XPO5: variants seen among roughly 807,000 people sequenced by gnomAD.
XPO5 encodes the protein exportin-5.
Under a neutral mutation model 160.6 loss-of-function variants are expected in XPO5, and 46 were observed. The ratio of observed to expected loss-of-function variants is 0.29; its 90% confidence interval spans 0.23 to 0.37. The LOEUF (loss-of-function observed/expected upper bound fraction) is 0.37. Among genes scored for constraint, XPO5 ranks in the 10% least tolerant of loss-of-function variants. The pLI, the probability that XPO5 is intolerant of heterozygous loss-of-function variation, is 1.00. For synonymous variants in XPO5, 537 were observed against 519.3 expected (o/e 1.03, Z -0.46); for missense variants, 1,090 against 1,463.9 (o/e 0.74, Z 4.17).
intron 8 of XPO5, among the ~76,000 whole-genome samples, chr6:43,564,575 T>C (rs960765219): frequency 2.6e-5 from 4 of 152,140 alleles, no homozygotes; most frequent in Admixed American, 2.6e-4. Context: ...TAACTTTAGC[T>C]TACTGTAACT....
Position 43,526,067 on chromosome 6 carries a change from A to C in XPO5, c.2984-146T>G, listed in dbSNP as rs560251660. 4.1e-5 allele frequency: 31 copies of C among 747,962 alleles called. No homozygotes were observed. The South Asian group carries it at 5.4e-4, about 13-fold the overall frequency. 46.3% of individuals were successfully genotyped at this position (747,962 alleles called of 1,614,324 possible). ...TAGTACTAGGAGCCCTCCCACCTCC[A>C]CATAATGCCCATGCCCATGGCTGAT... On this transcript the variant is annotated intron_variant, in intron 27 of 31. Transcript: ENST00000265351.
chr6:43,572,856 G>A (rs574321248), intron 2 of XPO5, among the ~76,000 whole-genome samples: 28 of 152,290 alleles, frequency 1.8e-4, no homozygotes, highest in Admixed American at 1.2e-3. Context: ...TGATTTTATT[G>A]ATGGGCCAAA....
chr6:43,548,194 G>A, intron 18 of XPO5, 67 bp downstream of exon 18: 1 of 1,462,730 alleles, frequency 6.8e-7, no homozygotes, highest in South Asian at 1.5e-5. Context: ...CCCCACCCTG[G>A]GCCTAGCTCT....
Position 43,555,887 on chromosome 6 carries a change from C to A in XPO5, c.1390G>T (p.Glu464Ter). 6.2e-7 allele frequency: 1 copy of A among 1,613,968 alleles called. No homozygotes were observed. The highest frequency in any genetic ancestry group is 8.5e-7 in the Non-Finnish European group (1 of 1,179,878). ...GTTGATAGTTGATACTTTAGCCACT[C>A]CCCAGCCATCTGGAAGCTAGTTTTG... ...DPKTSFQMAGEWLKYQLSTFL... is the reference protein window; with the variant it reads ...DPKTSFQMAG The change falls in exon 13 of 32, where the codon GAG becomes TAG. Residue 464 changes from glutamate (E) to a stop codon, truncating the protein, a stop_gained. Transcript: ENST00000265351. LOFTEE classifies it high-confidence loss of function.
chr6:43,560,359 T>G, intron 10 of XPO5, 56 bp from the exon 11 acceptor site: 1 of 1,504,196 alleles, frequency 6.6e-7, no homozygotes, highest in Non-Finnish European at 8.9e-7. Context: ...ATAACCCAGA[T>G]TATTACTTAG....
chr6:43,546,073 A>C (rs1794951216), intron 20 of XPO5, among the ~76,000 whole-genome samples: 1 of 152,190 alleles, frequency 6.6e-6, no homozygotes, highest in African/African-American at 2.4e-5. Flanking sequence ...CCAAGGATCT[A>C]GCAAACTCAG....
In XPO5 at chr6:43,539,155, C is replaced by T. The variant is rs1272406794; in HGVS notation, c.2343-5148G>A. ...GCACAGAGCCACGGCGGCCTGTCAC[C>T]TTGCAGGGGACGGTGTGGGGCTTGC... On this transcript the variant is annotated intron_variant, in intron 20 of 31. Transcript: ENST00000265351. 1.4e-5 allele frequency: 16 copies of T among 1,119,262 alleles called. No homozygotes were observed. The Admixed American group carries it at 2.9e-4, about 20-fold the overall frequency. 69.3% of individuals were successfully genotyped at this position (1,119,262 alleles called of 1,614,324 possible). A position where few individuals can be genotyped will look rare whatever the true frequency, so the allele number is the denominator to read the frequency against.
intron 12 of XPO5, chr6:43,556,200 AAACTT>A (rs1274877410): frequency 6.8e-6 from 3 of 441,876 alleles, no homozygotes; most frequent in Admixed American, 3.8e-5. Context: ...GTGGCAAACT[AAACTT>A]AGTCTCCCAT....
chr6:43,551,735 C>T (rs921041528), intron 14 of XPO5, among the ~76,000 whole-genome samples: 7 of 152,048 alleles, frequency 4.6e-5, no homozygotes, highest in South Asian at 4.1e-4. Context: ...GTTGTTATGT[C>T]GACCAGGCTG....
At chr6:43,565,792 A>C in intron 7 of XPO5, 56 bp from the exon 8 acceptor site, 1 of 1,319,418 alleles carries the variant, frequency 7.6e-7, no homozygotes, top group Non-Finnish European at 1.1e-6. Flanking sequence ...AAGTACCGAC[A>C]TCTTCTGTAA....
At chr6:43,550,542 C>G (rs1288751135) in intron 15 of XPO5, among the ~76,000 whole-genome samples, 2 of 152,202 alleles carry the variant, frequency 1.3e-5, no homozygotes, top group Non-Finnish European at 2.9e-5. Context: ...TCGCTTGACT[C>G]ACATGTCTCC....
Position 43,531,589 on chromosome 6 carries a change from C to A in XPO5, c.2444-14G>T. 1 of 1,604,642 alleles carries A rather than the reference C, an allele frequency of 6.2e-7. No individual in the cohort carries two copies. The highest frequency in any genetic ancestry group is 8.5e-7 in the Non-Finnish European group (1 of 1,171,530). On this transcript the variant is annotated splice_polypyrimidine_tract_variant and intron_variant, in intron 21 of 31. Coordinates refer to ENST00000265351, the MANE Select transcript of XPO5 (RefSeq NM_020750.3). Reference sequence around the variant, plus strand: ...GTTGAGGTAATCCTACAGGGAAATACGGGTCAAGAACATGATGCTCCACTG... The same window carrying A: ...GTTGAGGTAATCCTACAGGGAAATAAGGGTCAAGAACATGATGCTCCACTG...
chr6:43,547,230 G>A (rs960033530), intron 19 of XPO5: 2 of 369,794 alleles, frequency 5.4e-6, no homozygotes, highest in Admixed American at 8.2e-5. Context: ...TATTTAAATA[G>A]CAAAGCACTG....
chr6:43,573,677 T>C (rs1763124124), intron 1 of XPO5, 76 bp from the exon 2 acceptor site: 2 of 1,513,740 alleles, frequency 1.3e-6, no homozygotes, highest in African/African-American at 2.8e-5. Flanking sequence ...CTTAAGAAAC[T>C]CCAACCAGGG....
chr6:43,557,677 A>T (rs1330473469), intron 12 of XPO5, among the ~76,000 whole-genome samples: 1 of 147,546 alleles, frequency 6.8e-6, no homozygotes, highest in East Asian at 2.1e-4. Context: ...TCTAAAATTG[A>T]TTGTGGTGAT....
intron 8 of XPO5, among the ~76,000 whole-genome samples, chr6:43,563,479 G>A (rs1762516091): frequency 6.6e-6 from 1 of 152,166 alleles, no homozygotes; most frequent in Admixed American, 6.5e-5. Flanking sequence ...GTACATGGAA[G>A]CCCTTACAGT....
At chr6:43,539,847 A>G in intron 20 of XPO5, 1 of 512,106 alleles carries the variant, frequency 2.0e-6, no homozygotes, top group Non-Finnish European at 3.4e-6. Context: ...TAATTTAACT[A>G]CTACCAATAT....
intron 23 of XPO5, among the ~76,000 whole-genome samples, chr6:43,529,918 A>AC (rs1229344360): frequency 6.6e-6 from 1 of 151,470 alleles, no homozygotes; most frequent in East Asian, 1.9e-4. Flanking sequence ...TCAAAAAAAA[A>AC]AAAAAAAAAG....
In XPO5 at chr6:43,560,778, T is replaced by C. The variant is rs1018759077; in HGVS notation, c.1095+146A>G. On this transcript the variant is annotated intron_variant, in intron 10 of 31. Transcript: ENST00000265351. ...TTGGCTCAGGAAGAAGAGCCAATAA[T>C]TCTCTTAATGAAATGACACTACGGT... 5 of 696,688 alleles carry C rather than the reference T, an allele frequency of 7.2e-6. No individual in the cohort carries two copies. The African/African-American group carries it at 8.9e-5, about 12-fold the overall frequency. 43.2% of individuals were successfully genotyped at this position (696,688 alleles called of 1,614,324 possible). A position where few individuals can be genotyped will look rare whatever the true frequency, so the allele number is the denominator to read the frequency against.
Sources: allele counts gnomAD v4.1 joint callset (sites outside exome capture counted in the v4.1 genomes callset), GRCh38; gene constraint gnomAD v4.1.1; transcripts MANE v1.5; gene names NCBI Gene and HGNC (gene_info 2026-07-23, HGNC 2026-07-21).